The following OPHN1 variants were observed in gnomAD, a reference collection of about 807,000 sequenced individuals.
OPHN1 encodes oligophrenin 1, also known as oligophrenin-1.
A neutral mutation model predicts 60.7 loss-of-function variants in OPHN1; 11 were observed. The ratio of observed to expected loss-of-function variants is 0.18; its 90% confidence interval spans 0.11 to 0.30. The LOEUF (loss-of-function observed/expected upper bound fraction) is 0.30, where lower values mean the gene tolerates loss of function less well. Ranked by LOEUF, OPHN1 falls within the 10% of genes least tolerant of loss-of-function variation. The pLI is 1.00. For missense variants in OPHN1, 449 were observed against 611.0 expected (o/e 0.73, Z 2.80); for synonymous variants, 226 against 222.6 (o/e 1.02, Z -0.14).
intron 1 of OPHN1, 59 bp downstream of exon 1, chrX:68,433,109 C>A: frequency 1.0e-6 from 1 of 968,621 alleles, no homozygotes; most frequent in East Asian, 3.4e-5. Flanking sequence ...AGGGGACGGA[C>A]TGAGCGCGCG....
intron 2 of OPHN1, among the ~76,000 whole-genome samples, chrX:68,311,852 A>G (rs1450782603): frequency 9.0e-6 from 1 of 111,657 alleles, no homozygotes; most frequent in Admixed American, 9.6e-5. Flanking sequence ...TTGAACAACA[A>G]TATAAGCCAA....
intron 2 of OPHN1, among the ~76,000 whole-genome samples, chrX:68,355,114 G>T (rs2078433891): frequency 8.9e-6 from 1 of 111,934 alleles, no homozygotes; most frequent in Non-Finnish European, 1.9e-5. Context: ...TCCTTCATTT[G>T]TACTCAAGAG....
intron 2 of OPHN1, among the ~76,000 whole-genome samples, chrX:68,328,635 A>G (rs1184211816): frequency 8.9e-6 from 1 of 112,220 alleles, no homozygotes; most frequent in Non-Finnish European, 1.9e-5. Flanking sequence ...GCAATGGGGA[A>G]TACTAGGAAT....
At chrX:68,088,896 T>G (rs755999267) in intron 19 of OPHN1, among the ~76,000 whole-genome samples, 1 of 110,969 alleles carries the variant, frequency 9.0e-6, no homozygotes, top group East Asian at 2.8e-4. Context: ...AGTTTAAAGC[T>G]ATTTTTCCAT....
At chrX:68,133,101 T>G in intron 15 of OPHN1, 1 of 574,281 alleles carries the variant, frequency 1.7e-6, no homozygotes, top group Non-Finnish European at 3.1e-6. Flanking sequence ...TTTCAGAACA[T>G]AAAACTAGAA....
chrX:68,146,735 A>G lies in OPHN1; in HGVS notation c.1277-27403T>C, dbSNP rs147658064. The stretch of plus-strand genomic sequence containing the variant: ...TTGCCATGCCATAAATGGAAAGTAC[A>G]CTCCTCTTTACAAAGACCTCAGATG... On this transcript the variant is annotated intron_variant, in intron 15 of 24. Coordinates refer to ENST00000355520, the MANE Select transcript of OPHN1 (RefSeq NM_002547.3). Among the ~76,000 whole-genome samples the G allele has an allele frequency of 2.3e-3, 259 of 112,096 alleles. 1 individual carries two copies. Among genetic ancestry groups the G allele is most frequent in the African/African-American group, 8.2e-3 (254 of 30,943 alleles).
intron 2 of OPHN1, among the ~76,000 whole-genome samples, chrX:68,411,558 T>G (rs2078769699): frequency 1.8e-5 from 2 of 112,320 alleles, no homozygotes; most frequent in South Asian, 7.4e-4. Context: ...GTTGGCCCCG[T>G]ATATGTCTTC....
intron 11 of OPHN1, among the ~76,000 whole-genome samples, chrX:68,199,920 A>G (rs1307922880): frequency 9.0e-6 from 1 of 111,442 alleles, no homozygotes; most frequent in Non-Finnish European, 1.9e-5. Context: ...AATTAGCTGG[A>G]CATGGTGGCA....
rs1262640434 is a variant in OPHN1, at chrX:68,125,954, T to TATATATATATATATAC, written c.1277-6623_1277-6622insGTATATATATATATAT. 7.3e-3 allele frequency among the ~76,000 whole-genome samples: 406 copies of TATATATATATATATAC among 55,381 alleles called. 25 individuals are homozygous for TATATATATATATATAC. The highest frequency in any genetic ancestry group is 0.015 in the Middle Eastern group (1 of 68). The allele number at this position is 55,381 out of a possible 115,157, so 48.1% of individuals were successfully genotyped here. On this transcript the variant is annotated intron_variant, in intron 15 of 24. Transcript: ENST00000355520. ...CAATATATATATATATATATATATA[T>TATATATATATATATAC]ATACATACACACACACACACACACA...
rs188303692 is a variant in OPHN1 at position 68,131,304 on chromosome X, C to T, written c.1277-11972G>A. ...TGCAATCTCGGCTCACTGCAACCTC[C>T]GCCTCCCAGGTTCAAGCGATTCTCG... On this transcript the variant is annotated intron_variant, in intron 15 of 24. Coordinates refer to ENST00000355520, the MANE Select transcript of OPHN1 (RefSeq NM_002547.3). Among the ~76,000 whole-genome samples, 673 of 109,204 alleles carry T rather than the reference C, an allele frequency of 6.2e-3. 4 individuals carry two copies. Among genetic ancestry groups the T allele is most frequent in the African/African-American group, 0.021 (642 of 29,866 alleles). The allele number at this position is 109,204 out of a possible 115,157, so 94.8% of individuals were successfully genotyped here. A position where few individuals can be genotyped will look rare whatever the true frequency, so the allele number is the denominator to read the frequency against.
Position 68,352,571 on chromosome X carries a change from T to C in OPHN1, c.155-53475A>G, listed in dbSNP as rs756739032. On this transcript the variant is annotated intron_variant, in intron 2 of 24. Transcript: ENST00000355520. ...GAAAGAGGAGAATGAGGCCTAGATGTTTCCCCCAGCTATGGGAAAACATTC... is the reference window on the plus strand; with the variant it reads ...GAAAGAGGAGAATGAGGCCTAGATGCTTCCCCCAGCTATGGGAAAACATTC... 2.7e-5 allele frequency among the ~76,000 whole-genome samples: 3 copies of C among 111,337 alleles called. No homozygotes were observed. The East Asian group carries it at 8.5e-4, about 32-fold the overall frequency.
chrX:68,063,894 T>G lies in OPHN1; in HGVS notation c.2118A>C (p.Ile706=), dbSNP rs1450999032. 8.4e-7 allele frequency: 1 copy of G among 1,183,700 alleles called. No individual in the cohort carries two copies. The highest frequency in any genetic ancestry group is 1.9e-5 in the South Asian group (1 of 52,638). ...SGPTKTPSFH[I]KRPAPRPLAH... ...CCAGGGGCCGGGGAGCTGGTCTCTTTATGTGGAAAGAGGGGGTCTTGGTGG... is the reference window on the plus strand; with the variant it reads ...CCAGGGGCCGGGGAGCTGGTCTCTTGATGTGGAAAGAGGGGGTCTTGGTGG... Residue 706 remains isoleucine, a synonymous_variant, in exon 21 of 25, where the codon ATA becomes ATC. Transcript: ENST00000355520.
At chrX:68,267,168 G>T (rs927692672) in intron 5 of OPHN1, among the ~76,000 whole-genome samples, 1 of 111,227 alleles carries the variant, frequency 9.0e-6, no homozygotes, top group African/African-American at 3.3e-5. Flanking sequence ...CAGCTCTGCA[G>T]CAAGCAGACC....
chrX:68,050,021 G>A (rs1191959091), intron 23 of OPHN1, among the ~76,000 whole-genome samples: 2 of 112,084 alleles, frequency 1.8e-5, no homozygotes. Flanking sequence ...ACCAAAAAGG[G>A]GCAAGACAAA....
intron 15 of OPHN1, among the ~76,000 whole-genome samples, chrX:68,135,008 C>A (rs2077213434): frequency 9.0e-6 from 1 of 110,926 alleles, no homozygotes; most frequent in South Asian, 3.8e-4. Flanking sequence ...AGGAAAAGTT[C>A]TATTTATATT....
rs908320790 is a variant in OPHN1, at chrX:68,263,087, C to T, written c.384+11651G>A. ...AAAACACATCCAAGGTAAAGTGCCACTTGAAGCATCAATGCCACTTGAAGA... is the reference window on the plus strand; with the variant it reads ...AAAACACATCCAAGGTAAAGTGCCATTTGAAGCATCAATGCCACTTGAAGA... On this transcript the variant is annotated intron_variant, in intron 5 of 24. Coordinates refer to ENST00000355520, the MANE Select transcript of OPHN1 (RefSeq NM_002547.3). Among the ~76,000 whole-genome samples the T allele has an allele frequency of 3.6e-5, 4 of 112,018 alleles. No individual in the cohort carries two copies. The South Asian group carries it at 1.1e-3, about 31-fold the overall frequency.
intron 6 of OPHN1, among the ~76,000 whole-genome samples, chrX:68,219,480 T>C (rs866851289): frequency 5.5e-5 from 6 of 108,271 alleles, no homozygotes; most frequent in African/African-American, 1.7e-4. Context: ...AATATACATT[T>C]TTCTCAGCAC....
intron 2 of OPHN1, among the ~76,000 whole-genome samples, chrX:68,308,651 A>G (rs2078158081): frequency 8.9e-6 from 1 of 112,209 alleles, no homozygotes; most frequent in East Asian, 2.8e-4. Context: ...ATCACTTTCT[A>G]AATGTAGTTA....
At chrX:68,152,373 C>A (rs182064610) in intron 15 of OPHN1, among the ~76,000 whole-genome samples, 6 of 111,333 alleles carry the variant, frequency 5.4e-5, no homozygotes, top group African/African-American at 2.0e-4. Context: ...ATCCTCCTAT[C>A]AAAGGCTCAT....
Sources: gnomAD v4.1 joint callset for allele counts (sites outside exome capture counted in the v4.1 genomes callset) on GRCh38, gnomAD v4.1.1 for gene constraint, MANE v1.5 for transcripts, NCBI Gene and HGNC (gene_info 2026-07-23, HGNC 2026-07-21) for gene names.